The following NAALADL2 variants were observed in gnomAD, a reference collection of about 807,000 sequenced individuals.
The protein encoded by NAALADL2 is N-acetylated alpha-linked acidic dipeptidase like 2.
In NAALADL2, 76 loss-of-function variants were observed where a neutral mutation model predicts 87.2. The ratio of observed to expected loss-of-function variants is 0.87; its 90% CI spans 0.72 to 1.05. NAALADL2 has a LOEUF of 1.05. Among genes scored for constraint, NAALADL2 ranks in the 50% least tolerant of loss-of-function variants. The probability of loss-of-function intolerance (pLI) is 0.00; values close to 1 mark genes in which losing one functional copy is unlikely to be tolerated. For synonymous variants in NAALADL2, 354 were observed against 331.0 expected (o/e 1.07, Z -0.75); for missense variants, 1,089 against 945.8 (o/e 1.15, Z -1.99).
At chr3:175,448,390 T>C (rs910535744) in intron 6 of NAALADL2, among the ~76,000 whole-genome samples, 1 of 152,242 alleles carries the variant, frequency 6.6e-6, no homozygotes, top group Non-Finnish European at 1.5e-5. Flanking sequence ...TGTTAAAATA[T>C]GTAATGTAAA....
intron 2 of NAALADL2, among the ~76,000 whole-genome samples, chr3:175,156,374 G>T (rs1319987108): frequency 2.7e-5 from 4 of 149,560 alleles, no homozygotes; most frequent in African/African-American, 9.7e-5. Context: ...TCGCATGAGT[G>T]AAGTTCATTA....
At chr3:175,074,264 G>A (rs11925556) in intron 1 of NAALADL2, among the ~76,000 whole-genome samples, 26,469 of 151,944 alleles carry the variant, frequency 0.17, 3,336 homozygotes, top group African/African-American at 0.35. Context: ...CATGTCTCAG[G>A]TATAGCAATC....
At chr3:174,719,331 T>C (rs1731493839) in intron 2 of NAALADL2, among the ~76,000 whole-genome samples, 1 of 152,204 alleles carries the variant, frequency 6.6e-6, no homozygotes, top group Non-Finnish European at 1.5e-5. Context: ...CAAAAACATA[T>C]TCTGTTTGTA....
At chr3:175,317,351 TAA>T (rs34837825) in intron 4 of NAALADL2, among the ~76,000 whole-genome samples, 2 of 149,562 alleles carry the variant, frequency 1.3e-5, no homozygotes, top group African/African-American at 2.4e-5. Context: ...GTTAGCACAT[TAA>T]AAAAAAAATG....
intron 9 of NAALADL2, among the ~76,000 whole-genome samples, chr3:175,493,454 A>G (rs936674331): frequency 6.6e-6 from 1 of 152,132 alleles, no homozygotes; most frequent in Non-Finnish European, 1.5e-5. Flanking sequence ...TCTCTTACAC[A>G]TGTTAACTAT....
At chr3:174,827,075 T>C (rs994040789) in intron 3 of NAALADL2, among the ~76,000 whole-genome samples, 1 of 152,228 alleles carries the variant, frequency 6.6e-6, no homozygotes, top group Admixed American at 6.5e-5. Flanking sequence ...CTTCTTGAGT[T>C]CAATCTTCTC....
chr3:175,697,837 T>A (rs13060536), intron 11 of NAALADL2, among the ~76,000 whole-genome samples: 2,802 of 84,922 alleles, frequency 0.033, 90 homozygotes, highest in African/African-American at 0.077. Flanking sequence ...ATATGTGTAT[T>A]TATGTATACA....
chr3:174,782,388 T>C (rs940180524), intron 3 of NAALADL2, among the ~76,000 whole-genome samples: 1 of 152,150 alleles, frequency 6.6e-6, no homozygotes, highest in Non-Finnish European at 1.5e-5. Context: ...AGTTGTCTAA[T>C]GTGAATTATG....
chr3:175,347,443 G>T (rs1763273863), intron 5 of NAALADL2, among the ~76,000 whole-genome samples: 1 of 152,128 alleles, frequency 6.6e-6, no homozygotes. Context: ...AGCACAGAGG[G>T]ATAAAATAGT....
At chr3:175,519,562 A>G (rs962976182) in intron 9 of NAALADL2, among the ~76,000 whole-genome samples, 2 of 152,234 alleles carry the variant, frequency 1.3e-5, no homozygotes, top group African/African-American at 4.8e-5. Context: ...AAAACAATAT[A>G]TATTTATTGA....
At chr3:175,238,484 GAC>G (rs1272169713) in intron 3 of NAALADL2, among the ~76,000 whole-genome samples, 2 of 152,006 alleles carry the variant, frequency 1.3e-5, no homozygotes, top group Non-Finnish European at 2.9e-5. Context: ...ATTAGATAAA[GAC>G]ACTATTTTAA....
intron 5 of NAALADL2, among the ~76,000 whole-genome samples, chr3:175,389,330 A>C (rs1465724527): frequency 1.3e-5 from 2 of 152,186 alleles, no homozygotes; most frequent in African/African-American, 4.8e-5. Flanking sequence ...CAGAATTTAC[A>C]TTTAGATCCA....
intron 2 of NAALADL2, among the ~76,000 whole-genome samples, chr3:174,552,517 G>A (rs950045760): frequency 3.9e-5 from 6 of 152,136 alleles, no homozygotes; most frequent in South Asian, 2.1e-4. Flanking sequence ...ATAATAGGCC[G>A]GGTGTGGTGG....
chr3:175,584,657 C>CA (rs1245668233), intron 10 of NAALADL2, among the ~76,000 whole-genome samples: 4 of 152,328 alleles, frequency 2.6e-5, no homozygotes, highest in African/African-American at 9.6e-5. Flanking sequence ...ATGGCGTAGC[C>CA]TATTCATCCT....
At chr3:175,464,947 C>T (rs1438084455) in intron 7 of NAALADL2, among the ~76,000 whole-genome samples, 1 of 152,100 alleles carries the variant, frequency 6.6e-6, no homozygotes, top group South Asian at 2.1e-4. Context: ...CCCAGTTGTA[C>T]AAATTATACT....
rs1730387018 is a variant in NAALADL2, at chr3:175,143,922, A to G, written c.545+46631A>G. On this transcript the variant is annotated intron_variant, in intron 2 of 13. Transcript: ENST00000454872. Reference sequence around the variant, plus strand: ...TTCACTATGCTGGCTTGCTGTATGCAATACATTATTGTAGAAACAATATTG... The same window carrying G: ...TTCACTATGCTGGCTTGCTGTATGCGATACATTATTGTAGAAACAATATTG... 2.0e-5 allele frequency among the ~76,000 whole-genome samples: 3 copies of G among 151,966 alleles called. No individual in the cohort carries two copies. In the South Asian group the frequency reaches 6.2e-4, roughly 31 times the overall value.
chr3:174,750,201 A>C (rs147072936), intron 3 of NAALADL2, among the ~76,000 whole-genome samples: 2,098 of 152,300 alleles, frequency 0.014, 13 homozygotes, highest in Middle Eastern at 0.02. Context: ...TATTTATAAA[A>C]GATAAGAATG....
chr3:174,542,766 A>G (rs1441246996), intron 1 of NAALADL2, among the ~76,000 whole-genome samples: 1 of 152,216 alleles, frequency 6.6e-6, no homozygotes, highest in Non-Finnish European at 1.5e-5. Flanking sequence ...GCTGATGAAC[A>G]GCAAGGGCAA....
chr3:174,591,212 C>T (rs960260995), intron 2 of NAALADL2, among the ~76,000 whole-genome samples: 30 of 152,256 alleles, frequency 2.0e-4, no homozygotes, highest in African/African-American at 6.0e-4. Flanking sequence ...TCTGACAATA[C>T]GGCCTTGAAT....
Sources: allele counts gnomAD v4.1 joint callset (sites outside exome capture counted in the v4.1 genomes callset), GRCh38; gene constraint gnomAD v4.1.1; transcripts MANE v1.5; gene names NCBI Gene and HGNC (gene_info 2026-07-23, HGNC 2026-07-21).